AAGAB: variants seen among roughly 807,000 people sequenced by gnomAD.
AAGAB encodes alpha and gamma adaptin binding protein, also known as alpha- and gamma-adaptin-binding protein p34.
AAGAB carries 38 observed loss-of-function variants against 44.1 expected under a neutral mutation model. That is an observed-to-expected ratio of 0.86 (90% CI 0.67 to 1.13). The LOEUF is 1.13. AAGAB is among the 50% of genes most tolerant of loss of function. The pLI is 0.00. For synonymous variants in AAGAB, 131 were observed against 131.8 expected (o/e 0.99, Z 0.04); for missense variants, 450 against 373.8 (o/e 1.20, Z -1.68).
intron 1 of AAGAB, 151 bp from the exon 2 acceptor site, chr15:67,236,971 T>A: frequency 1.7e-6 from 1 of 578,162 alleles, no homozygotes; most frequent in Non-Finnish European, 2.9e-6. Context: ...GCTTTAATCC[T>A]ATATTCTCTG....
chr15:67,203,186 C>G (rs369396631), intron 9 of AAGAB, among the ~76,000 whole-genome samples: 28 of 152,288 alleles, frequency 1.8e-4, no homozygotes, highest in African/African-American at 6.7e-4. Context: ...CAAAAGGGAA[C>G]AGGATAAATT....
In AAGAB at chr15:67,202,805, CCCT is replaced by C. The variant is rs1180838553; in HGVS notation, c.*13_*15del. The C allele has an allele frequency of 1.9e-6, 3 of 1,612,620 alleles. No homozygotes were observed. Among genetic ancestry groups the C allele is most frequent in the Non-Finnish European group, 2.5e-6 (3 of 1,178,796 alleles). On this transcript the variant is annotated 3_prime_UTR_variant, in exon 10 of 10. Coordinates refer to ENST00000261880, the MANE Select transcript of AAGAB (RefSeq NM_024666.5). ...ACAGCTAGCATCTTTGTTGGTCAAA[CCCT>C]AGTATGAATAATTCAGTGCTCTTCA...
In AAGAB at chr15:67,254,569, C is replaced by T. The variant is rs1395760957; in HGVS notation, c.63G>A (p.Gln21=). The change falls in exon 1 of 10, where the codon CAG becomes CAA. Residue 21 remains glutamine, a synonymous_variant. Coordinates refer to ENST00000261880, the MANE Select transcript of AAGAB (RefSeq NM_024666.5). ...TSCSSVFSGD[Q]LVQHILGTED... is the part of the protein sequence containing the mutation. ...CGCCTATCTACTCACGTTGGACCAG[C>T]TGGTCTCCTGAGAAGACGGAGGAGC... 3.1e-6 allele frequency: 5 copies of T among 1,609,246 alleles called. No individual in the cohort carries two copies. The East Asian group carries it at 6.7e-5, about 22-fold the overall frequency.
chr15:67,232,447 T>C (rs1596001768), intron 4 of AAGAB: 2 of 219,208 alleles, frequency 9.1e-6, no homozygotes, highest in Admixed American at 9.8e-5. Context: ...ACCACCATCA[T>C]GAATGACATG....
intron 5 of AAGAB, among the ~76,000 whole-genome samples, chr15:67,225,260 T>C (rs183543756): frequency 6.6e-6 from 1 of 152,332 alleles, no homozygotes; most frequent in Admixed American, 6.5e-5. Context: ...TTTGTGAGGA[T>C]TAAATAAGAT....
intron 5 of AAGAB, among the ~76,000 whole-genome samples, chr15:67,217,738 A>G (rs1374533366): frequency 1.3e-5 from 2 of 152,106 alleles, no homozygotes; most frequent in East Asian, 3.9e-4. Flanking sequence ...GGGTTTCACC[A>G]TGTTGGCCAG....
intron 7 of AAGAB, 37 bp from the exon 8 acceptor site, chr15:67,204,185 T>G: frequency 7.2e-7 from 1 of 1,388,078 alleles, no homozygotes; most frequent in Non-Finnish European, 1.0e-6. Context: ...TGTCACGTTA[T>G]TTGCATATGT....
intron 1 of AAGAB, among the ~76,000 whole-genome samples, chr15:67,240,806 A>C (rs947508299): frequency 2.0e-5 from 3 of 152,210 alleles, no homozygotes; most frequent in Non-Finnish European, 4.4e-5. Context: ...ATTTCAGTTC[A>C]GTAATCCAAC....
chr15:67,234,067 A>C (rs1352956405), intron 4 of AAGAB, among the ~76,000 whole-genome samples: 3 of 144,304 alleles, frequency 2.1e-5, no homozygotes, highest in Admixed American at 7.2e-5. Context: ...ATGGTGAAAC[A>C]CCGTCTCTAC....
At chr15:67,222,282 A>ACACACACACACACACCCT (rs796412643) in intron 5 of AAGAB, among the ~76,000 whole-genome samples, 1 of 139,850 alleles carries the variant, frequency 7.2e-6, no homozygotes, top group African/African-American at 2.6e-5. Context: ...ACACACACAC[A>ACACACACACACACACCCT]CCCTCCACCC....
At chr15:67,240,567 TA>T (rs1373765423) in intron 1 of AAGAB, among the ~76,000 whole-genome samples, 1 of 152,216 alleles carries the variant, frequency 6.6e-6, no homozygotes, top group African/African-American at 2.4e-5. Flanking sequence ...CAAAGGAAGT[TA>T]GATGCCAACC....
chr15:67,242,939 C>G (rs1048651738), intron 1 of AAGAB: 34 of 152,140 alleles, frequency 2.2e-4, no homozygotes, highest in African/African-American at 7.7e-4. Context: ...ATTTAATTAC[C>G]TCTTCCTGAC....
chr15:67,204,562 T>C (rs1193453024), intron 7 of AAGAB, among the ~76,000 whole-genome samples: 1 of 152,024 alleles, frequency 6.6e-6, no homozygotes, highest in Non-Finnish European at 1.5e-5. Flanking sequence ...TATTTTCACA[T>C]CTATTACCGA....
chr15:67,229,432 TAA>T (rs756230077), intron 5 of AAGAB, among the ~76,000 whole-genome samples: 13 of 99,636 alleles, frequency 1.3e-4, no homozygotes, highest in Non-Finnish European at 1.2e-4. Context: ...GAGTCCGTCT[TAA>T]AAAAAAAAAA....
intron 6 of AAGAB, 149 bp downstream of exon 6, chr15:67,209,313 G>A: frequency 4.2e-6 from 3 of 712,766 alleles, no homozygotes; most frequent in Non-Finnish European, 7.3e-6. Context: ...CTTTAGCAAG[G>A]GCTGTTTTAG....
chr15:67,229,103 T>G (rs1372559114), intron 5 of AAGAB, among the ~76,000 whole-genome samples: 1 of 152,014 alleles, frequency 6.6e-6, no homozygotes, highest in Non-Finnish European at 1.5e-5. Flanking sequence ...AATTTACCCA[T>G]GTAACAAACC....
intron 5 of AAGAB, chr15:67,221,206 GAA>G (rs1166823917): frequency 6.6e-6 from 1 of 152,108 alleles, no homozygotes; most frequent in Non-Finnish European, 1.5e-5. Context: ...GGGAGACTAG[GAA>G]AAAGAGTCAT....
intron 7 of AAGAB, among the ~76,000 whole-genome samples, chr15:67,206,948 G>A (rs1963697215): frequency 6.6e-6 from 1 of 152,144 alleles, no homozygotes; most frequent in Non-Finnish European, 1.5e-5. Context: ...TTGGGAGGTC[G>A]AGGCAGGTGG....
chr15:67,250,145 C>G (rs573485081), intron 1 of AAGAB, among the ~76,000 whole-genome samples: 2 of 152,262 alleles, frequency 1.3e-5, no homozygotes, highest in East Asian at 3.9e-4. Context: ...AATATTTTCA[C>G]AGGTGGACCA....
Sources: gnomAD v4.1 joint callset for allele counts (sites outside exome capture counted in the v4.1 genomes callset) on GRCh38, gnomAD v4.1.1 for gene constraint, MANE v1.5 for transcripts, NCBI Gene and HGNC (gene_info 2026-07-23, HGNC 2026-07-21) for gene names.